The following CNOT6L variants were observed in gnomAD, a reference collection of about 807,000 sequenced individuals.
CNOT6L encodes CCR4-NOT transcription complex subunit 6 like, also known as CCR4-NOT transcription complex subunit 6-like.
In CNOT6L, 7 loss-of-function variants were observed where a neutral mutation model predicts 64.0. The ratio of observed to expected loss-of-function variants is 0.11; its 90% CI spans 0.06 to 0.21. The LOEUF (loss-of-function observed/expected upper bound fraction) is 0.21, where lower values mean the gene tolerates loss of function less well. Ranked by LOEUF, CNOT6L falls within the 10% of genes least tolerant of loss-of-function variation. CNOT6L has a pLI of 1.00. For synonymous variants in CNOT6L, 193 were observed against 243.4 expected (o/e 0.79, Z 1.93); for missense variants, 245 against 669.0 (o/e 0.37, Z 6.99).
chr4:77,794,691 T>C (rs1730602730), intron 1 of CNOT6L, among the ~76,000 whole-genome samples: 1 of 152,180 alleles, frequency 6.6e-6, no homozygotes, highest in Admixed American at 6.5e-5. Context: ...TCTGAATGCT[T>C]TTCTCCTAAG....
intron 10 of CNOT6L, 69 bp from the exon 11 acceptor site, chr4:77,726,438 T>G: frequency 8.0e-7 from 1 of 1,244,376 alleles, no homozygotes; most frequent in Non-Finnish European, 1.1e-6. Flanking sequence ...CAGCCAAGAC[T>G]TGTTACCAGG....
intron 9 of CNOT6L, among the ~76,000 whole-genome samples, chr4:77,729,992 T>C (rs1722265369): frequency 6.6e-6 from 1 of 152,152 alleles, no homozygotes; most frequent in African/African-American, 2.4e-5. Context: ...ATGAATGACA[T>C]GAGGGATCTC....
rs1269517722 is a variant in CNOT6L, at chr4:77,715,720, T to C, written c.*4711A>G. ...TTTTTTTCTTTCTTTCTGTGAATCT[T>C]GTTCAAGACATCCTGTAGTTTAGAT... On this transcript the variant is annotated 3_prime_UTR_variant, in exon 12 of 12. Coordinates refer to ENST00000504123, the MANE Select transcript of CNOT6L (RefSeq NM_144571.3). 1 of 152,454 alleles carries C rather than the reference T, an allele frequency of 6.6e-6. No homozygotes were observed. Among genetic ancestry groups the C allele is most frequent in the East Asian group, 1.9e-4 (1 of 5,196 alleles). The allele number at this position is 152,454 out of a possible 1,614,324, so 9.4% of individuals were successfully genotyped here.
chr4:77,725,475 G>A lies in CNOT6L; in HGVS notation c.1455+692C>T, dbSNP rs114620002. Among the ~76,000 whole-genome samples, 803 of 152,250 alleles carry A rather than the reference G, an allele frequency of 5.3e-3. 5 individuals are homozygous for A. The highest frequency in any genetic ancestry group is 0.011 in the South Asian group (53 of 4,822). Reference sequence around the variant, plus strand: ...ACAGAGTGATCAGAAAACTAGCACTGGGAAAGAGATTACATAAAGCCACCA... The same window carrying A: ...ACAGAGTGATCAGAAAACTAGCACTAGGAAAGAGATTACATAAAGCCACCA... On this transcript the variant is annotated intron_variant, in intron 11 of 11. Transcript: ENST00000504123.
intron 1 of CNOT6L, among the ~76,000 whole-genome samples, chr4:77,786,092 C>G (rs1729410132): frequency 6.6e-6 from 1 of 151,522 alleles, no homozygotes; most frequent in African/African-American, 2.4e-5. Context: ...ACCAGCCTGC[C>G]CAACATGGTG....
chr4:77,778,328 C>T (rs906134861), intron 1 of CNOT6L, among the ~76,000 whole-genome samples: 1 of 151,802 alleles, frequency 6.6e-6, no homozygotes, highest in Non-Finnish European at 1.5e-5. Context: ...AGACACACTA[C>T]ATAATTCATT....
chr4:77,750,459 C>A (rs969520333), intron 5 of CNOT6L, among the ~76,000 whole-genome samples: 2 of 152,150 alleles, frequency 1.3e-5, no homozygotes, highest in Non-Finnish European at 2.9e-5. Flanking sequence ...TCACGCCATT[C>A]TCCTGCCTCA....
chr4:77,813,567 TA>T (rs1329693101), intron 1 of CNOT6L, among the ~76,000 whole-genome samples: 1 of 152,076 alleles, frequency 6.6e-6, no homozygotes, highest in Non-Finnish European at 1.5e-5. Flanking sequence ...ACTCAATAAT[TA>T]AAAAACTCAT....
At chr4:77,724,085 C>A (rs574059067) in intron 11 of CNOT6L, among the ~76,000 whole-genome samples, 5 of 150,728 alleles carry the variant, frequency 3.3e-5, no homozygotes, top group African/African-American at 9.8e-5. Context: ...CATGGTGAAA[C>A]CCTGTCTCTA....
intron 1 of CNOT6L, among the ~76,000 whole-genome samples, chr4:77,801,119 T>C (rs553890954): frequency 6.6e-6 from 1 of 152,170 alleles, no homozygotes; most frequent in Non-Finnish European, 1.5e-5. Flanking sequence ...GAACTTACAA[T>C]GGCTTTGAGT....
chr4:77,785,855 TC>T (rs1729374860), intron 1 of CNOT6L, among the ~76,000 whole-genome samples: 1 of 152,100 alleles, frequency 6.6e-6, no homozygotes, highest in Non-Finnish European at 1.5e-5. Context: ...ATGCAAGACT[TC>T]CATGAAGAGG....
intron 11 of CNOT6L, among the ~76,000 whole-genome samples, chr4:77,721,601 T>TTTTTG (rs1721282639): frequency 6.6e-6 from 1 of 152,188 alleles, no homozygotes; most frequent in East Asian, 1.9e-4. Context: ...TTTTTTATTG[T>TTTTTG]GAGATTTTGG....
At chr4:77,781,645 TGGCCAAATCA>T (rs1021073460) in intron 1 of CNOT6L, among the ~76,000 whole-genome samples, 67 of 152,168 alleles carry the variant, frequency 4.4e-4, no homozygotes, top group Non-Finnish European at 1.2e-4. Flanking sequence ...AAAAACAAGC[TGGCCAAATCA>T]GGGCAAACTG....
chr4:77,776,393 CTGTT>C lies in CNOT6L; in HGVS notation c.6-5_6-2del. The C allele has an allele frequency of 6.9e-7, 1 of 1,441,036 alleles. No homozygotes were observed. Among genetic ancestry groups the C allele is most frequent in the Admixed American group, 2.6e-5 (1 of 38,820 alleles). 89.3% of individuals were successfully genotyped at this position (1,441,036 alleles called of 1,614,324 possible). A position where few individuals can be genotyped will look rare whatever the true frequency, so the allele number is the denominator to read the frequency against. On this transcript the variant is annotated splice_acceptor_variant and splice_polypyrimidine_tract_variant and intron_variant, in intron 1 of 11. Transcript: ENST00000504123. LOFTEE classifies it high-confidence loss of function. The stretch of plus-strand genomic sequence containing the variant: ...TTTTTCCTTTGGCATCCCTATTAGT[CTGTT>C]TAAAAAAAAAAAGGAGGAGATCAAT...
intron 1 of CNOT6L, 22 bp downstream of exon 1, chr4:77,819,282 C>A (rs545388263): frequency 4.3e-6 from 7 of 1,613,680 alleles, no homozygotes; most frequent in Non-Finnish European, 5.9e-6. Context: ...CGGTCCTACT[C>A]GGAGGCAAAA....
In CNOT6L at chr4:77,776,874, A is replaced by G. The variant is rs111302775; in HGVS notation, c.6-482T>C. 5.8e-4 allele frequency among the ~76,000 whole-genome samples: 88 copies of G among 152,350 alleles called. 1 individual carries two copies. The highest frequency in any genetic ancestry group is 2.0e-3 in the African/African-American group (84 of 41,578). On this transcript the variant is annotated intron_variant, in intron 1 of 11. Coordinates refer to ENST00000504123, the MANE Select transcript of CNOT6L (RefSeq NM_144571.3). ...AAACCGCAGAACTCATTCTATGTTTATAGGAGAAGCAGGCTTCTCTCTCCT... is the reference window on the plus strand; with the variant it reads ...AAACCGCAGAACTCATTCTATGTTTGTAGGAGAAGCAGGCTTCTCTCTCCT...
At position 77,794,150 on chromosome 4, in the gene CNOT6L, C is replaced by CAAAA. The variant is rs10649868; in HGVS notation, c.6-17762_6-17759dup. Among the ~76,000 whole-genome samples the CAAAA allele has an allele frequency of 3.2e-3, 165 of 51,950 alleles. 22 individuals carry two copies. Among genetic ancestry groups the CAAAA allele is most frequent in the South Asian group, 6.2e-3 (4 of 642 alleles). The allele number at this position is 51,950 out of a possible 152,430, so 34.1% of individuals were successfully genotyped here. On this transcript the variant is annotated intron_variant, in intron 1 of 11. Transcript: ENST00000504123. Reference sequence around the variant, plus strand: ...CTGGCAACAGAGTAAGACTCTGTCTCAAAAAAAAAAAAAAAAAAAAAAAAA... The same window carrying CAAAA: ...CTGGCAACAGAGTAAGACTCTGTCTCAAAAAAAAAAAAAAAAAAAAAAAAAAAAA...
At position 77,760,073 on chromosome 4, in the gene CNOT6L, T is replaced by G. The variant is rs1340623035; in HGVS notation, c.401-3122A>C. On this transcript the variant is annotated intron_variant, in intron 4 of 11. Transcript: ENST00000504123. ...GCCAAAAAGGATGTCACCAGGAGATTTTTTAATGTTTTAATTGGTCCGGGC... is the reference window on the plus strand; with the variant it reads ...GCCAAAAAGGATGTCACCAGGAGATGTTTTAATGTTTTAATTGGTCCGGGC... 2.6e-5 allele frequency among the ~76,000 whole-genome samples: 4 copies of G among 152,198 alleles called. No homozygotes were observed. In the East Asian group the frequency reaches 7.7e-4, roughly 29 times the overall value.
chr4:77,768,473 AAATATATATATATATATAT>A (rs1727124278), intron 4 of CNOT6L, among the ~76,000 whole-genome samples: 1 of 4,210 alleles, frequency 2.4e-4, no homozygotes, highest in African/African-American at 4.4e-4. Context: ...TAAAATAAAT[AAATATATATATATATATAT>A]ATATATATAT....
Sources: gnomAD v4.1 joint callset for allele counts (sites outside exome capture counted in the v4.1 genomes callset) on GRCh38, gnomAD v4.1.1 for gene constraint, MANE v1.5 for transcripts, NCBI Gene and HGNC (gene_info 2026-07-23, HGNC 2026-07-21) for gene names.